DSG4: variants seen among roughly 807,000 people sequenced by gnomAD.
DSG4 encodes the protein desmoglein 4, also known as desmoglein-4.
DSG4 carries 87 observed loss-of-function variants against 93.1 expected under a neutral mutation model. That is an observed-to-expected ratio of 0.93 (90% CI 0.79 to 1.12). DSG4 has a LOEUF of 1.12. Among genes scored for constraint, DSG4 ranks in the 50% most tolerant of loss-of-function variants. The pLI is 0.00. For synonymous variants in DSG4, 432 were observed against 452.9 expected (o/e 0.95, Z 0.59); for missense variants, 1,373 against 1,285.7 (o/e 1.07, Z -1.04).
At chr18:31,410,644 C>T (rs187778269) in intron 14 of DSG4, among the ~76,000 whole-genome samples, 16 of 152,232 alleles carry the variant, frequency 1.1e-4, no homozygotes, top group Admixed American at 1.0e-3. Context: ...ACCAGCCCCA[C>T]GCATATCTAA....
intron 10 of DSG4, among the ~76,000 whole-genome samples, chr18:31,401,915 G>A (rs1196318523): frequency 6.6e-6 from 1 of 152,178 alleles, no homozygotes; most frequent in African/African-American, 2.4e-5. Context: ...ACTATCATCT[G>A]TACATCCTGG....
At chr18:31,390,956 G>T in intron 6 of DSG4, 122 bp from the exon 7 acceptor site, 3 of 1,504,052 alleles carry the variant, frequency 2.0e-6, no homozygotes, top group Non-Finnish European at 2.7e-6. Context: ...AAAATTAAAA[G>T]CTCAATTATA....
At chr18:31,403,685 A>G in intron 11 of DSG4, 51 bp downstream of exon 11, 3 of 1,550,496 alleles carry the variant, frequency 1.9e-6, no homozygotes, top group Non-Finnish European at 2.7e-6. Context: ...AAAGCAAAAC[A>G]ATTACCAAAA....
At chr18:31,389,222 C>T (rs1045349001) in intron 5 of DSG4, among the ~76,000 whole-genome samples, 5 of 152,104 alleles carry the variant, frequency 3.3e-5, no homozygotes, top group Non-Finnish European at 5.9e-5. Flanking sequence ...TTCTTACTTG[C>T]GGAAGGTCCC....
intron 1 of DSG4, among the ~76,000 whole-genome samples, chr18:31,380,330 C>T (rs1283822120): frequency 6.6e-6 from 1 of 152,106 alleles, no homozygotes; most frequent in African/African-American, 2.4e-5. Context: ...TGACTCTTTT[C>T]TAGTTCTTAA....
At chr18:31,398,016 G>C (rs2072323471) in intron 8 of DSG4, among the ~76,000 whole-genome samples, 1 of 103,200 alleles carries the variant, frequency 9.7e-6, no homozygotes, top group African/African-American at 4.1e-5. Context: ...GACAGAATGA[G>C]ACCCTGTCTC....
chr18:31,404,503 G>A (rs1003317925), intron 11 of DSG4, among the ~76,000 whole-genome samples: 2 of 152,048 alleles, frequency 1.3e-5, no homozygotes, highest in Non-Finnish European at 2.9e-5. Flanking sequence ...ATTCATTTGG[G>A]GCTACAGGGA....
At chr18:31,407,936 G>C (rs146492928) in intron 12 of DSG4, among the ~76,000 whole-genome samples, 396 of 152,326 alleles carry the variant, frequency 2.6e-3, no homozygotes, top group African/African-American at 8.8e-3. Flanking sequence ...CCTTTGGTGA[G>C]ACTAATGTGC....
chr18:31,388,585 T>C lies in DSG4; in HGVS notation c.372+63T>C, dbSNP rs537127889. 17 of 1,592,560 alleles carry C rather than the reference T, an allele frequency of 1.1e-5. No homozygotes were observed. In the African/African-American group the frequency reaches 2.0e-4, roughly 19 times the overall value. Reference sequence around the variant, plus strand: ...GTTTTCTTCCCTTTTTCAAAAAATATTATCTTAAGATAATGGATTACTTTT... The same window carrying C: ...GTTTTCTTCCCTTTTTCAAAAAATACTATCTTAAGATAATGGATTACTTTT... On this transcript the variant is annotated intron_variant, in intron 4 of 15. Coordinates refer to ENST00000308128, the MANE Select transcript of DSG4 (RefSeq NM_177986.5).
Position 31,388,398 on chromosome 18 carries a change from T to C in DSG4, c.248T>C (p.Ile83Thr), listed in dbSNP as rs146500402. The change falls in exon 4 of 16, where the codon ATA becomes ACA. Residue 83 changes from isoleucine (I) to threonine (T), a missense_variant. Coordinates refer to ENST00000308128, the MANE Select transcript of DSG4 (RefSeq NM_177986.5). ...IRSDCESNQK[I>T]TYRISGVGID... ...TCAGACTGCGAATCGAACCAGAAGA[T>C]AACATACCGGATTTCTGGAGTAGGG... 23 of 1,613,492 alleles carry C rather than the reference T, an allele frequency of 1.4e-5. No homozygotes were observed. The African/African-American group carries it at 2.4e-4, about 17-fold the overall frequency.
At chr18:31,411,077 T>C in intron 14 of DSG4, 154 bp from the exon 15 acceptor site, 1 of 1,549,096 alleles carries the variant, frequency 6.5e-7, no homozygotes, top group Non-Finnish European at 8.7e-7. Flanking sequence ...AGCCTGGAGA[T>C]GTATCGGTGT....
chr18:31,386,601 T>C, intron 2 of DSG4, 87 bp from the exon 3 acceptor site: 2 of 1,571,248 alleles, frequency 1.3e-6, no homozygotes, highest in Non-Finnish European at 1.7e-6. Context: ...CTGTTTCTTC[T>C]AAATGCACCT....
chr18:31,389,401 T>A (rs1423977380), intron 5 of DSG4, among the ~76,000 whole-genome samples: 1 of 152,160 alleles, frequency 6.6e-6, no homozygotes, highest in Admixed American at 6.6e-5. Flanking sequence ...TAGAGCGTGA[T>A]GGTGGAAGCA....
At chr18:31,384,734 T>C (rs1478798684) in intron 1 of DSG4, among the ~76,000 whole-genome samples, 1 of 152,190 alleles carries the variant, frequency 6.6e-6, no homozygotes, top group East Asian at 1.9e-4. Flanking sequence ...ACTTAGAGCC[T>C]TTACAACTGT....
chr18:31,403,037 T>C lies in DSG4; in HGVS notation c.1418-379T>C, dbSNP rs78313115. 5.1e-4 allele frequency among the ~76,000 whole-genome samples: 78 copies of C among 151,806 alleles called. No individual in the cohort carries two copies. The East Asian group carries it at 9.7e-3, about 19-fold the overall frequency. ...TGGAGGTTCATAACTGACCTGGGGG[T>C]CTAATTTATGGGAACAGGGTGAGAT... On this transcript the variant is annotated intron_variant, in intron 10 of 15. Transcript: ENST00000308128.
chr18:31,400,306 T>G (rs1022857788), intron 9 of DSG4, among the ~76,000 whole-genome samples: 2 of 152,178 alleles, frequency 1.3e-5, no homozygotes, highest in Non-Finnish European at 2.9e-5. Flanking sequence ...TCTGCCAGGA[T>G]GGGTGGAGGT....
At chr18:31,399,676 A>G in intron 9 of DSG4, 133 bp downstream of exon 9, 1 of 1,169,908 alleles carries the variant, frequency 8.5e-7, no homozygotes. Flanking sequence ...TTAAAAGACT[A>G]TTAGAGCATT....
chr18:31,411,387 C>T lies in DSG4; in HGVS notation c.2294C>T (p.Thr765Ile), dbSNP rs1457549941. 2.5e-6 allele frequency: 4 copies of T among 1,613,972 alleles called. No homozygotes were observed. The highest frequency in any genetic ancestry group is 3.4e-6 in the Non-Finnish European group (4 of 1,180,022). ...AARKRSSTMG[T>I]LRDYADADIN... ...AGGAAGAGGAGCTCTACCATGGGAA[C>T]CCTGCGGGACTACGCTGACGCAGAC... is the stretch of plus-strand genomic sequence containing the variant. The change falls in exon 15 of 16, where the codon ACC becomes ATC. Residue 765 changes from threonine (T) to isoleucine (I), a missense_variant. By Grantham distance (89) the Thr-to-Ile change is moderately conservative. Transcript: ENST00000308128.
intron 9 of DSG4, 131 bp downstream of exon 9, chr18:31,399,674 C>CT: frequency 8.5e-7 from 1 of 1,180,888 alleles, no homozygotes; most frequent in Non-Finnish European, 1.2e-6. Context: ...ATTTAAAAGA[C>CT]TATTAGAGCA....
Sources: allele counts gnomAD v4.1 joint callset (sites outside exome capture counted in the v4.1 genomes callset), GRCh38; gene constraint gnomAD v4.1.1; transcripts MANE v1.5; gene names NCBI Gene and HGNC (gene_info 2026-07-23, HGNC 2026-07-21).